Variants in DAB1 observed in about 807,000 individuals in gnomAD.
The protein encoded by DAB1 is DAB adaptor protein 1.
In DAB1, 15 loss-of-function variants were observed where a neutral mutation model predicts 64.6. That is an observed-to-expected ratio of 0.23 (90% CI 0.16 to 0.36). The LOEUF (loss-of-function observed/expected upper bound fraction) is 0.36. Among genes scored for constraint, DAB1 ranks in the 10% least tolerant of loss-of-function variants. The pLI, the probability that DAB1 is intolerant of heterozygous loss-of-function variation, is 1.00. For synonymous variants in DAB1, 235 were observed against 251.9 expected, an observed-to-expected ratio of 0.93 and a Z score of 0.64; for missense variants, 596 against 706.7, an observed-to-expected ratio of 0.84 and a Z score of 1.78.
chr1:57,699,758 C>CA (rs1646886206), intron 6 of DAB1, among the ~76,000 whole-genome samples: 1 of 151,912 alleles, frequency 6.6e-6, no homozygotes, highest in African/African-American at 2.4e-5. Flanking sequence ...ACTAAAAATA[C>CA]AAAAATTAGC....
chr1:57,777,598 A>C (rs556086237), intron 6 of DAB1, among the ~76,000 whole-genome samples: 4 of 151,928 alleles, frequency 2.6e-5, no homozygotes, highest in Non-Finnish European at 5.9e-5. Flanking sequence ...CAGATATTAT[A>C]TATTTCAACT....
intron 3 of DAB1, among the ~76,000 whole-genome samples, chr1:58,411,046 T>G (rs1176307925): frequency 6.6e-6 from 1 of 152,234 alleles, no homozygotes; most frequent in African/African-American, 2.4e-5. Context: ...TTCTCTGTAC[T>G]GTGCAATAAT....
chr1:58,241,886 A>C (rs1001824919), intron 4 of DAB1, among the ~76,000 whole-genome samples: 7 of 152,118 alleles, frequency 4.6e-5, no homozygotes, highest in African/African-American at 1.7e-4. Context: ...GAATTATTAC[A>C]TTCTCTTTAG....
intron 6 of DAB1, among the ~76,000 whole-genome samples, chr1:57,763,102 C>T (rs1649156065): frequency 6.6e-6 from 1 of 152,160 alleles, no homozygotes; most frequent in Non-Finnish European, 1.5e-5. Flanking sequence ...AAATGATTAA[C>T]GATGCGACAC....
intron 3 of DAB1, among the ~76,000 whole-genome samples, chr1:58,385,234 G>A (rs1280069922): frequency 6.6e-6 from 1 of 152,186 alleles, no homozygotes; most frequent in Non-Finnish European, 1.5e-5. Context: ...CATTTATCGT[G>A]TGCAGTTTTT....
chr1:57,934,870 C>T (rs1201425580), intron 5 of DAB1, among the ~76,000 whole-genome samples: 1 of 152,200 alleles, frequency 6.6e-6, no homozygotes, highest in East Asian at 1.9e-4. Flanking sequence ...AACTGTAAGA[C>T]AGAGGTACGA....
At chr1:57,839,616 C>A (rs997416202) in intron 1 of DAB1, among the ~76,000 whole-genome samples, 1 of 152,204 alleles carries the variant, frequency 6.6e-6, no homozygotes, top group Non-Finnish European at 1.5e-5. Flanking sequence ...TATTAGCAAC[C>A]TCTTCAGTCA....
chr1:58,191,357 G>C (rs550363661), intron 4 of DAB1, among the ~76,000 whole-genome samples: 5 of 152,264 alleles, frequency 3.3e-5, no homozygotes, highest in African/African-American at 9.6e-5. Flanking sequence ...TACATCTCTA[G>C]TTGCAAACTT....
intron 4 of DAB1, among the ~76,000 whole-genome samples, chr1:58,305,125 G>A (rs531605012): frequency 6.6e-6 from 1 of 152,108 alleles, no homozygotes; most frequent in African/African-American, 2.4e-5. Flanking sequence ...GCTATTCACA[G>A]GTGCAATTAC....
chr1:58,508,239 G>A (rs983918221), intron 2 of DAB1, among the ~76,000 whole-genome samples: 5 of 152,098 alleles, frequency 3.3e-5, no homozygotes, highest in African/African-American at 1.2e-4. Context: ...CTCAAACCCA[G>A]TTCAAAGAGC....
At chr1:57,589,489 G>T (rs1408224793) in intron 7 of DAB1, among the ~76,000 whole-genome samples, 3 of 152,288 alleles carry the variant, frequency 2.0e-5, no homozygotes, top group African/African-American at 7.2e-5. Flanking sequence ...GGGCACAGTG[G>T]CTCACCCCTG....
At chr1:57,822,827 T>C (rs1449006446), downstream of DAB1, among the ~76,000 whole-genome samples, 1 of 152,266 alleles carries the variant, frequency 6.6e-6, no homozygotes, top group Middle Eastern at 3.4e-3. Flanking sequence ...CATTTCAACA[T>C]GGAATCATTA....
At chr1:57,943,692 G>C (rs1645137033) in intron 5 of DAB1, among the ~76,000 whole-genome samples, 2 of 152,150 alleles carry the variant, frequency 1.3e-5, no homozygotes, top group Admixed American at 6.5e-5. Flanking sequence ...ATAAATTGCA[G>C]AATGAGATAC....
At chr1:57,935,162 C>T (rs931959192) in intron 5 of DAB1, among the ~76,000 whole-genome samples, 10 of 152,178 alleles carry the variant, frequency 6.6e-5, no homozygotes, top group Non-Finnish European at 1.5e-4. Context: ...CTAGTCTTGC[C>T]ATGAGAAGAA....
At chr1:57,127,143 T>C (rs1383902323) in intron 4 of DAB1, among the ~76,000 whole-genome samples, 1 of 152,144 alleles carries the variant, frequency 6.6e-6, no homozygotes, top group Non-Finnish European at 1.5e-5. Flanking sequence ...GGCACAGTCA[T>C]GGAAAATGAG....
At chr1:57,647,384 T>G (rs1469478186) in intron 7 of DAB1, among the ~76,000 whole-genome samples, 3 of 152,338 alleles carry the variant, frequency 2.0e-5, no homozygotes, top group East Asian at 1.9e-4. Context: ...AGGTGGTAAC[T>G]CCTTGGGACT....
intron 6 of DAB1, among the ~76,000 whole-genome samples, chr1:57,777,181 C>A (rs1181326219): frequency 9.0e-6 from 1 of 111,332 alleles, no homozygotes; most frequent in Non-Finnish European, 1.8e-5. Context: ...AATCAGTGAA[C>A]CTTCTTATTT....
intron 3 of DAB1, among the ~76,000 whole-genome samples, chr1:58,446,126 C>T (rs706447): frequency 0.48 from 72,266 of 151,992 alleles, 18,060 homozygotes; most frequent in African/African-American, 0.63. Flanking sequence ...ATATATCTTA[C>T]GCTCCTCATT....
chr1:57,897,599 A>G (rs1033947910), intron 5 of DAB1, among the ~76,000 whole-genome samples: 15 of 152,090 alleles, frequency 9.9e-5, no homozygotes, highest in Non-Finnish European at 2.1e-4. Context: ...CCCTAATATT[A>G]CAGCCTTAAA....
Sources: allele counts gnomAD v4.1 joint callset (sites outside exome capture counted in the v4.1 genomes callset), GRCh38; gene constraint gnomAD v4.1.1; transcripts MANE v1.5; gene names NCBI Gene and HGNC (gene_info 2026-07-23, HGNC 2026-07-21).